RBBP4: variants seen among roughly 807,000 people sequenced by gnomAD.
The protein encoded by RBBP4 is RB binding protein 4, chromatin remodeling factor.
A neutral mutation model predicts 57.2 loss-of-function variants in RBBP4; 3 were observed. The observed-to-expected ratio is 0.05, with a 90% confidence interval of 0.02 to 0.14. The LOEUF (loss-of-function observed/expected upper bound fraction) is 0.14. Among genes scored for constraint, RBBP4 ranks in the 10% least tolerant of loss-of-function variants. RBBP4 has a pLI of 1.00. For synonymous variants in RBBP4, 151 were observed against 171.5 expected, an observed-to-expected ratio of 0.88 and a Z score of 0.93; for missense variants, 107 against 520.6, an observed-to-expected ratio of 0.21 and a Z score of 7.73.
In RBBP4 at chr1:32,683,975, A is replaced by G. The variant is rs1557867797; in HGVS notation, c.*4270A>G. ...TTAGTATTGTTAGGAAAGCAGTAAC[A>G]ATGCAAACACCACTCTTCTCTTCAC... On this transcript the variant is annotated 3_prime_UTR_variant, in exon 12 of 12. Transcript: ENST00000373493. The G allele has an allele frequency of 1.3e-6, 2 of 1,598,690 alleles. No homozygotes were observed. The highest frequency in any genetic ancestry group is 1.1e-5 in the South Asian group (1 of 90,614).
intron 11 of RBBP4, among the ~76,000 whole-genome samples, chr1:32,675,269 C>T (rs1649050010): frequency 6.6e-6 from 1 of 151,792 alleles, no homozygotes; most frequent in Admixed American, 6.6e-5. Context: ...CTCCTGACCT[C>T]AGGTGATCTG....
chr1:32,660,136 T>C (rs1339239370), intron 3 of RBBP4, among the ~76,000 whole-genome samples: 2 of 152,234 alleles, frequency 1.3e-5, no homozygotes, highest in African/African-American at 4.8e-5. Context: ...TGCCCGTATT[T>C]CCTTTTGAGT....
chr1:32,653,590 C>T (rs1647988211), intron 2 of RBBP4, among the ~76,000 whole-genome samples: 1 of 124,840 alleles, frequency 8.0e-6, no homozygotes, highest in African/African-American at 2.9e-5. Context: ...TAGTAAAAAC[C>T]TAGAAATTGG....
intron 2 of RBBP4, among the ~76,000 whole-genome samples, chr1:32,652,793 G>A (rs771645810): frequency 2.0e-5 from 3 of 152,106 alleles, no homozygotes; most frequent in South Asian, 4.1e-4. Flanking sequence ...TGATCCGCCC[G>A]CCTCTGCCTC....
In RBBP4 at chr1:32,653,656, TTTTG is replaced by T. The variant is rs1257426664; in HGVS notation, c.164+1599_164+1602del. Among the ~76,000 whole-genome samples, 6 of 44,578 alleles carry T rather than the reference TTTTG, an allele frequency of 1.3e-4. No homozygotes were observed. The South Asian group carries it at 3.3e-3, about 24-fold the overall frequency. 29.2% of individuals were successfully genotyped at this position (44,578 alleles called of 152,430 possible). A position where few individuals can be genotyped will look rare whatever the true frequency, so the allele number is the denominator to read the frequency against. On this transcript the variant is annotated intron_variant, in intron 2 of 11. Transcript: ENST00000373493. ...TTTCTGGTTTTTTTTTTTTTTTTTT[TTTTG>T]TTTTTGTTTTTTTTTTTGAGACGGA...
At chr1:32,652,147 C>G in intron 2 of RBBP4, 86 bp downstream of exon 2, 1 of 1,448,646 alleles carries the variant, frequency 6.9e-7, no homozygotes, top group Non-Finnish European at 9.4e-7. Flanking sequence ...TCTTCAGTCA[C>G]CCGGAGAAGG....
In RBBP4 at chr1:32,669,395, C is replaced by T. The variant is rs745563671; in HGVS notation, c.888+38C>T. On this transcript the variant is annotated intron_variant, in intron 7 of 11. Transcript: ENST00000373493. The surrounding 1 kb of genome is among the most constrained non-coding windows in gnomAD (Gnocchi z 4.9). ...TATTTTAATAGAAAACATAATTTCTCTAGGTTTTTTTGAATTGCAGAGATA... is the reference window on the plus strand; with the variant it reads ...TATTTTAATAGAAAACATAATTTCTTTAGGTTTTTTTGAATTGCAGAGATA... 9 of 1,573,742 alleles carry T rather than the reference C, an allele frequency of 5.7e-6. No homozygotes were observed. Among genetic ancestry groups the T allele is most frequent in the Non-Finnish European group, 7.7e-6 (9 of 1,167,424 alleles).
rs1244406339 is a variant in RBBP4, at chr1:32,684,447, T to TA, written c.*4743dup. 12 of 1,606,278 alleles carry TA rather than the reference T, an allele frequency of 7.5e-6. No homozygotes were observed. The East Asian group carries it at 2.5e-4, about 33-fold the overall frequency. On this transcript the variant is annotated 3_prime_UTR_variant, in exon 12 of 12. Coordinates refer to ENST00000373493, the MANE Select transcript of RBBP4 (RefSeq NM_005610.3). Reference sequence around the variant, plus strand: ...AATAAAAACTCACATTGTCCACTCTTACTTATAAAACACTTTTTTGTTCAT... The same window carrying TA: ...AATAAAAACTCACATTGTCCACTCTTAACTTATAAAACACTTTTTTGTTCAT...
chr1:32,672,733 T>A, intron 10 of RBBP4, 34 bp downstream of exon 10: 2 of 1,608,258 alleles, frequency 1.2e-6, no homozygotes, highest in Non-Finnish European at 1.7e-6. Context: ...ACTGAAATAG[T>A]CTGTAATTTA....
chr1:32,658,847 A>C (rs1260621317), intron 3 of RBBP4, among the ~76,000 whole-genome samples: 1 of 151,594 alleles, frequency 6.6e-6, no homozygotes, highest in East Asian at 1.9e-4. Context: ...AGTGTGATAA[A>C]TTGTAAAACT....
chr1:32,666,501 C>T (rs533529040), intron 3 of RBBP4, among the ~76,000 whole-genome samples: 18 of 152,008 alleles, frequency 1.2e-4, no homozygotes, highest in South Asian at 8.3e-4. Context: ...GGACTACAGG[C>T]GCCTGCCACG....
At chr1:32,652,178 G>T in intron 2 of RBBP4, 117 bp downstream of exon 2, 1 of 1,253,912 alleles carries the variant, frequency 8.0e-7, no homozygotes, top group Non-Finnish European at 1.1e-6. Flanking sequence ...AAACCTCTTG[G>T]TGACATTTTT....
rs146450651 is a variant in RBBP4, at chr1:32,680,792, G to A, written c.*1087G>A. ...CAGAATTAAATGTAATAGTCCCAGA[G>A]CTGTAGAAAAGAACTTTACTCCTTC... On this transcript the variant is annotated 3_prime_UTR_variant, in exon 12 of 12. Coordinates refer to ENST00000373493, the MANE Select transcript of RBBP4 (RefSeq NM_005610.3). The A allele has an allele frequency of 0.013, 5,785 of 439,992 alleles. 48 individuals are homozygous for A. Among genetic ancestry groups the A allele is most frequent in the Non-Finnish European group, 0.018 (4,481 of 244,162 alleles). 27.3% of individuals were successfully genotyped at this position (439,992 alleles called of 1,614,324 possible).
At chr1:32,667,517 G>A (rs1648706062) in intron 3 of RBBP4, among the ~76,000 whole-genome samples, 1 of 152,152 alleles carries the variant, frequency 6.6e-6, no homozygotes, top group South Asian at 2.1e-4. Flanking sequence ...GCCGGTCTCT[G>A]CGTCTTGGTG....
chr1:32,651,692 G>A, intron 1 of RBBP4: 1 of 764,224 alleles, frequency 1.3e-6, no homozygotes. Flanking sequence ...CCGAAGGCCT[G>A]GCTGGCCCCT....
At chr1:32,660,926 C>T (rs1447868920) in intron 3 of RBBP4, among the ~76,000 whole-genome samples, 3 of 152,180 alleles carry the variant, frequency 2.0e-5, no homozygotes, top group Non-Finnish European at 4.4e-5. Context: ...CCTCCTGCCT[C>T]AGCGTCCTGA....
rs1570860048 is a variant in RBBP4, at chr1:32,669,867, G to A, written c.966+304G>A. Among the ~76,000 whole-genome samples, 1 of 149,804 alleles carries A rather than the reference G, an allele frequency of 6.7e-6. No homozygotes were observed. Among genetic ancestry groups the A allele is most frequent in the Middle Eastern group, 3.4e-3 (1 of 290 alleles). On this transcript the variant is annotated intron_variant, in intron 8 of 11. Transcript: ENST00000373493. This position sits in a 1 kb window ranked among gnomAD's most constrained non-coding sequence, Gnocchi z 4.9. ...GATTGTGCCACTGCACTCTAGCCTG[G>A]GCGACAGAACGAGAGTCCGTCTCAA...
intron 11 of RBBP4, 91 bp from the exon 12 acceptor site, chr1:32,679,549 A>G (rs1649287422): frequency 1.7e-6 from 2 of 1,177,654 alleles, no homozygotes; most frequent in African/African-American, 3.1e-5. Context: ...TAAAGTATTT[A>G]CTCTCTGGCT....
Position 32,683,768 on chromosome 1 carries a change from G to C in RBBP4, c.*4063G>C, listed in dbSNP as rs1205424373. ...CTGCCTTGGCCTCCTGAGTAGCTGG[G>C]ATTATAAGTGCCTGCCACTATGCCC... On this transcript the variant is annotated 3_prime_UTR_variant, in exon 12 of 12. Coordinates refer to ENST00000373493, the MANE Select transcript of RBBP4 (RefSeq NM_005610.3). 2.3e-6 allele frequency: 1 copy of C among 432,398 alleles called. No homozygotes were observed. Among genetic ancestry groups the C allele is most frequent in the Non-Finnish European group, 4.2e-6 (1 of 235,692 alleles). 26.8% of individuals were successfully genotyped at this position (432,398 alleles called of 1,614,324 possible). A position where few individuals can be genotyped will look rare whatever the true frequency, so the allele number is the denominator to read the frequency against.
Sources: gnomAD v4.1 joint callset for allele counts (sites outside exome capture counted in the v4.1 genomes callset) on GRCh38, gnomAD v4.1.1 for gene constraint, Gnocchi (gnomAD v3.1) non-coding constraint, MANE v1.5 for transcripts, NCBI Gene and HGNC (gene_info 2026-07-23, HGNC 2026-07-21) for gene names.